The following GREB1 variants were observed in gnomAD, a reference collection of about 807,000 sequenced individuals.
GREB1 encodes growth regulating estrogen receptor binding 1.
In GREB1, 106 loss-of-function variants were observed where a neutral mutation model predicts 200.7. The observed-to-expected ratio is 0.53, with a 90% CI of 0.45 to 0.62. The LOEUF (loss-of-function observed/expected upper bound fraction) is 0.62. Ranked by LOEUF, GREB1 falls within the 20% of genes least tolerant of loss-of-function variation. GREB1 has a pLI of 0.00. For missense variants in GREB1, 2,243 were observed against 2,556.8 expected (o/e 0.88, Z 2.65); for synonymous variants, 1,132 against 1,092.4 (o/e 1.04, Z -0.72).
chr2:11,545,917 C>T (rs1675229237), intron 1 of GREB1, among the ~76,000 whole-genome samples: 1 of 152,212 alleles, frequency 6.6e-6, no homozygotes, highest in African/African-American at 2.4e-5. Context: ...GTGGCTCACG[C>T]CCGTAATCCC....
At chr2:11,617,322 G>C (rs561069314) in intron 21 of GREB1, among the ~76,000 whole-genome samples, 1 of 152,326 alleles carries the variant, frequency 6.6e-6, no homozygotes, top group South Asian at 2.1e-4. Flanking sequence ...GGCAAGTCAG[G>C]GGCCACCGTC....
At chr2:11,487,882 A>G (rs368500799) in intron 1 of GREB1, among the ~76,000 whole-genome samples, 153 of 152,304 alleles carry the variant, frequency 1.0e-3, no homozygotes, top group African/African-American at 3.6e-3. Flanking sequence ...TCTGGGGCTC[A>G]ACAAAAGGCG....
chr2:11,528,091 C>G (rs1673948437), intron 1 of GREB1, among the ~76,000 whole-genome samples: 1 of 152,194 alleles, frequency 6.6e-6, no homozygotes, highest in Non-Finnish European at 1.5e-5. Context: ...CTGAGGAAAA[C>G]AGTACACCAG....
chr2:11,552,764 C>T (rs544929115), intron 1 of GREB1, among the ~76,000 whole-genome samples: 1 of 152,206 alleles, frequency 6.6e-6, no homozygotes, highest in Non-Finnish European at 1.5e-5. Context: ...GTAATCCCAG[C>T]ACTTTGGGAG....
At chr2:11,538,621 C>G (rs1421225309) in intron 1 of GREB1, among the ~76,000 whole-genome samples, 15 of 11,980 alleles carry the variant, frequency 1.3e-3, no homozygotes, top group South Asian at 0.03. Flanking sequence ...TTCTTTCTTT[C>G]TTTCTTTCTT....
chr2:11,531,375 C>T (rs1674068316), upstream of GREB1, among the ~76,000 whole-genome samples: 1 of 152,056 alleles, frequency 6.6e-6, no homozygotes, highest in African/African-American at 2.4e-5. Context: ...TCATCTGTTC[C>T]ACGTTGTGCA....
chr2:11,588,324 A>G lies in GREB1; in HGVS notation c.1160-422A>G, dbSNP rs1053708555. 7.1e-6 allele frequency: 8 copies of G among 1,124,288 alleles called. No individual in the cohort carries two copies. The African/African-American group carries it at 1.1e-4, about 16-fold the overall frequency. The allele number at this position is 1,124,288 out of a possible 1,614,324, so 69.6% of individuals were successfully genotyped here. ...CAGCCCTGGGAGAATGCAGGGCAGA[A>G]TCCTCCCTGCTTGGAGTCAGGGAGG... On this transcript the variant is annotated intron_variant, in intron 9 of 32. Transcript: ENST00000381486.
Position 11,580,685 on chromosome 2 carries a change from G to GCCTT in GREB1, c.773-17_773-14dup. The GCCTT allele has an allele frequency of 6.3e-7, 1 of 1,597,798 alleles. No individual in the cohort carries two copies. The highest frequency in any genetic ancestry group is 8.5e-7 in the Non-Finnish European group (1 of 1,169,600). ...TTCTTGTGAACTGACCCTCCTCTTT[G>GCCTT]CCTTCTATCTGTTTTCAGGACCAGC... On this transcript the variant is annotated intron_variant, in intron 6 of 32. Transcript: ENST00000381486. This position sits in a 1 kb window ranked among gnomAD's most constrained non-coding sequence, Gnocchi z 4.5.
At chr2:11,592,157 A>G (rs980973929) in intron 10 of GREB1, 3 of 901,038 alleles carry the variant, frequency 3.3e-6, no homozygotes, top group Non-Finnish European at 2.6e-6. Flanking sequence ...CTAACAAGCT[A>G]TGGGAATTTG....
intron 17 of GREB1, 122 bp downstream of exon 17, chr2:11,602,664 C>T (rs1029214632): frequency 1.3e-6 from 1 of 787,054 alleles, no homozygotes; most frequent in Non-Finnish European, 2.1e-6. Flanking sequence ...AACTCAGTTT[C>T]TCCACTAAAT....
At chr2:11,567,998 G>A (rs1313074563) in intron 4 of GREB1, among the ~76,000 whole-genome samples, 1 of 152,292 alleles carries the variant, frequency 6.6e-6, no homozygotes, top group Non-Finnish European at 1.5e-5. Flanking sequence ...GTCTGGCCTG[G>A]CATCTTCTTT....
upstream of GREB1, among the ~76,000 whole-genome samples, chr2:11,532,492 G>T (rs959950246): frequency 6.6e-6 from 1 of 152,262 alleles, no homozygotes; most frequent in South Asian, 2.1e-4. Flanking sequence ...TTGTTTAAAG[G>T]TTCATTACGA....
chr2:11,635,381 C>T lies in GREB1; in HGVS notation c.5322C>T (p.His1774=). 6.2e-7 allele frequency: 1 copy of T among 1,612,312 alleles called. No homozygotes were observed. The highest frequency in any genetic ancestry group is 8.5e-7 in the Non-Finnish European group (1 of 1,179,134). ...AGAAGCAGATCGTGGTGGGCGGCCA[C>T]AGGTCCTTCCACATCACATCCAAGG... is the stretch of plus-strand genomic sequence containing the variant. The part of the protein sequence containing the change: ...VMKKQIVVGG[H]RSFHITSKVS... The change falls in exon 30 of 33, where the codon CAC becomes CAT. Residue 1774 remains histidine, a synonymous_variant. Transcript: ENST00000381486.
chr2:11,599,033 C>G (rs984392093), intron 15 of GREB1, among the ~76,000 whole-genome samples, 173 bp downstream of exon 15: 1 of 152,092 alleles, frequency 6.6e-6, no homozygotes, highest in Non-Finnish European at 1.5e-5. Flanking sequence ...GAAGTTATCT[C>G]AGGGATTATC....
At chr2:11,613,850 C>T (rs766905000) in intron 19 of GREB1, among the ~76,000 whole-genome samples, 4 of 152,136 alleles carry the variant, frequency 2.6e-5, no homozygotes, top group African/African-American at 4.8e-5. Flanking sequence ...AGTCAATGAA[C>T]GATCATTTGC....
chr2:11,589,800 A>C (rs1680547477), intron 10 of GREB1, among the ~76,000 whole-genome samples: 1 of 152,046 alleles, frequency 6.6e-6, no homozygotes, highest in Admixed American at 6.5e-5. Context: ...AATGCCTTTG[A>C]AGGGGGTGGG....
intron 22 of GREB1, 42 bp from the exon 23 acceptor site, chr2:11,620,862 TG>T: frequency 1.7e-6 from 2 of 1,184,836 alleles, no homozygotes; most frequent in African/African-American, 1.5e-5. Context: ...GGCACGCGGA[TG>T]GGGCTTCCTC....
At chr2:11,520,622 T>C (rs899315973) in intron 1 of GREB1, among the ~76,000 whole-genome samples, 1 of 152,198 alleles carries the variant, frequency 6.6e-6, no homozygotes, top group Non-Finnish European at 1.5e-5. Flanking sequence ...CTCTCCTCTT[T>C]CCTTTTCCTC....
intron 2 of GREB1, among the ~76,000 whole-genome samples, chr2:11,560,947 T>C (rs1413094527): frequency 6.6e-6 from 1 of 152,220 alleles, no homozygotes; most frequent in Non-Finnish European, 1.5e-5. Context: ...CGATTCTGTG[T>C]ACCCAGAGCC....
Sources: gnomAD v4.1 joint callset for allele counts (sites outside exome capture counted in the v4.1 genomes callset) on GRCh38, gnomAD v4.1.1 for gene constraint, Gnocchi (gnomAD v3.1) non-coding constraint, MANE v1.5 for transcripts, NCBI Gene and HGNC (gene_info 2026-07-23, HGNC 2026-07-21) for gene names.